Variants in HFM1 observed in about 807,000 individuals in gnomAD.
The protein encoded by HFM1 is helicase for meiosis 1.
In HFM1, 169 loss-of-function variants were observed where a neutral mutation model predicts 192.1. The ratio of observed to expected loss-of-function variants is 0.88; its 90% CI spans 0.78 to 1.00. HFM1 has a LOEUF of 1.00. Ranked by LOEUF, HFM1 falls within the 50% of genes least tolerant of loss-of-function variation. HFM1 has a pLI of 0.00. For missense variants in HFM1, 1,661 were observed against 1,668.0 expected (o/e 1.00, Z 0.07); for synonymous variants, 525 against 537.8 (o/e 0.98, Z 0.33).
At chr1:91,293,340 TCAAA>T (rs1669002809) in intron 30 of HFM1, among the ~76,000 whole-genome samples, 1 of 151,918 alleles carries the variant, frequency 6.6e-6, no homozygotes, top group Non-Finnish European at 1.5e-5. Context: ...TACAAAGAAC[TCAAA>T]CAAATTTATA....
chr1:91,405,321 A>G (rs1664749914), upstream of HFM1, among the ~76,000 whole-genome samples: 1 of 152,254 alleles, frequency 6.6e-6, no homozygotes. Flanking sequence ...GAATTTATAA[A>G]AACAGGGCAA....
chr1:91,403,092 T>C (rs1664474625), intron 1 of HFM1, among the ~76,000 whole-genome samples: 1 of 152,270 alleles, frequency 6.6e-6, no homozygotes, highest in African/African-American at 2.4e-5. Context: ...CATCCTCTCA[T>C]TCCGCATTAT....
intron 20 of HFM1, chr1:91,328,521 C>T (rs1373888729): frequency 6.2e-7 from 1 of 1,613,110 alleles, no homozygotes; most frequent in Non-Finnish European, 8.5e-7. Context: ...TTGCTGTTCG[C>T]CAGGGTGGGG....
chr1:91,300,046 T>C (rs1648437696), intron 30 of HFM1, among the ~76,000 whole-genome samples: 1 of 151,514 alleles, frequency 6.6e-6, no homozygotes, highest in Admixed American at 6.6e-5. Flanking sequence ...GCAAGACTAA[T>C]AAAGAAGAAA....
intron 13 of HFM1, among the ~76,000 whole-genome samples, chr1:91,358,778 G>A (rs577907292): frequency 6.6e-6 from 1 of 151,204 alleles, no homozygotes; most frequent in East Asian, 1.9e-4. Context: ...CTGTTTCTTT[G>A]GGGGGGTCCC....
At chr1:91,279,958 G>A (rs1667311565) in intron 30 of HFM1, among the ~76,000 whole-genome samples, 1 of 151,914 alleles carries the variant, frequency 6.6e-6, no homozygotes, top group South Asian at 2.1e-4. Flanking sequence ...TGGGAAAAAA[G>A]ATTTAATATC....
chr1:91,395,181 AC>A (rs1297935358), intron 3 of HFM1, among the ~76,000 whole-genome samples: 1 of 152,006 alleles, frequency 6.6e-6, no homozygotes, highest in Non-Finnish European at 1.5e-5. Flanking sequence ...AAATGGTATC[AC>A]CCTATATTTA....
At chr1:91,391,107 C>A (rs1313958316) in intron 4 of HFM1, among the ~76,000 whole-genome samples, 2 of 152,082 alleles carry the variant, frequency 1.3e-5, no homozygotes, top group Non-Finnish European at 2.9e-5. Context: ...AAAGAGGACA[C>A]AAACAAATGG....
At position 91,315,906 on chromosome 1, in the gene HFM1, G is replaced by A. The variant is rs749340173; in HGVS notation, c.3049C>T (p.Leu1017=). ...VTVILRNFEQ[L]QTKRTASDSH... is the part of the protein sequence containing the mutation. Reference sequence around the variant, plus strand: ...TCCGATGCTGTTCTTTTAGTTTGTAGCTGTTCAAAATTTCTTAATATAACA... The same window carrying A: ...TCCGATGCTGTTCTTTTAGTTTGTAACTGTTCAAAATTTCTTAATATAACA... The change falls in exon 28 of 39, where the codon CTA becomes TTA. Residue 1017 remains leucine (L), a synonymous_variant. Transcript: ENST00000370425. 1.2e-6 allele frequency: 2 copies of A among 1,605,236 alleles called. No individual in the cohort carries two copies. The highest frequency in any genetic ancestry group is 1.7e-6 in the Non-Finnish European group (2 of 1,172,506).
chr1:91,287,383 A>AC (rs1486619529), intron 30 of HFM1, among the ~76,000 whole-genome samples: 2 of 152,070 alleles, frequency 1.3e-5, no homozygotes, highest in African/African-American at 2.4e-5. Context: ...ACTGGGAGGC[A>AC]CCCCCTAGCA....
chr1:91,300,285 A>G (rs1648500204), intron 30 of HFM1, among the ~76,000 whole-genome samples: 1 of 152,202 alleles, frequency 6.6e-6, no homozygotes, highest in African/African-American at 2.4e-5. Flanking sequence ...AATTGAGGCA[A>G]TAATTAATAG....
chr1:91,270,184 A>G (rs1200171923), intron 34 of HFM1, among the ~76,000 whole-genome samples: 3 of 152,162 alleles, frequency 2.0e-5, no homozygotes, highest in African/African-American at 4.8e-5. Context: ...AAGCTAGAGT[A>G]TCAGCAGAAA....
In HFM1 at chr1:91,385,626, T is replaced by A; in HGVS notation, c.703A>T (p.Met235Leu). The A allele has an allele frequency of 6.2e-7, 1 of 1,613,444 alleles. No individual in the cohort carries two copies. Among genetic ancestry groups the A allele is most frequent in the South Asian group, 1.1e-5 (1 of 91,066 alleles). ...AFSASEIGEG[M>L]FKAPSFSVAF... ...ACTGAAAAAGATGGTGCTTTGAACA[T>A]GCCTTCTCCGATTTCAGAAGCAGAA... Residue 235 changes from methionine (M) to leucine (L), a missense_variant, in exon 5 of 39, where the codon ATG (methionine) becomes TTG (leucine). Coordinates refer to ENST00000370425, the MANE Select transcript of HFM1 (RefSeq NM_001017975.6).
chr1:91,353,640 C>A (rs1204377730), intron 13 of HFM1, among the ~76,000 whole-genome samples: 2 of 109,818 alleles, frequency 1.8e-5, no homozygotes, highest in Admixed American at 1.1e-4. Context: ...TACTATATTA[C>A]TAGTAAATAA....
intron 30 of HFM1, among the ~76,000 whole-genome samples, chr1:91,295,958 T>G (rs1184383262): frequency 6.6e-6 from 1 of 151,824 alleles, no homozygotes; most frequent in African/African-American, 2.4e-5. Flanking sequence ...TGAGACGGAG[T>G]CTCACTCTGT....
intron 30 of HFM1, among the ~76,000 whole-genome samples, chr1:91,293,361 A>T (rs1036651950): frequency 7.9e-4 from 120 of 152,288 alleles, no homozygotes; most frequent in South Asian, 1.9e-3. Context: ...TATAAGAAAA[A>T]AACAACCCCA....
intron 13 of HFM1, among the ~76,000 whole-genome samples, chr1:91,364,627 TA>T (rs1390010290): frequency 0.017 from 786 of 46,564 alleles, 5 homozygotes; most frequent in Non-Finnish European, 0.023. Flanking sequence ...TATATATATA[TA>T]TATATTTTTT....
chr1:91,387,382 ACCT>A (rs1292100002), intron 4 of HFM1, among the ~76,000 whole-genome samples: 38 of 150,366 alleles, frequency 2.5e-4, no homozygotes, highest in African/African-American at 9.1e-4. Context: ...CTTTTCTGAC[ACCT>A]CCTGCTTAAA....
Position 91,392,356 on chromosome 1 carries a change from T to A in HFM1, c.494+1737A>T, listed in dbSNP as rs187651213. On this transcript the variant is annotated intron_variant, in intron 4 of 38. Coordinates refer to ENST00000370425, the MANE Select transcript of HFM1 (RefSeq NM_001017975.6). ...AGACTTGGAACCAACCAAATGTCCA[T>A]CAATGATAGACTGGATTAAGAAAAT... 2.0e-3 allele frequency among the ~76,000 whole-genome samples: 312 copies of A among 152,268 alleles called. 4 individuals are homozygous for A. Among genetic ancestry groups the A allele is most frequent in the African/African-American group, 7.2e-3 (301 of 41,550 alleles).
Sources: gnomAD v4.1 joint callset for allele counts (sites outside exome capture counted in the v4.1 genomes callset) on GRCh38, gnomAD v4.1.1 for gene constraint, MANE v1.5 for transcripts, NCBI Gene and HGNC (gene_info 2026-07-23, HGNC 2026-07-21) for gene names.